The following PAPSS1 variants were observed in gnomAD, a reference collection of about 807,000 sequenced individuals.
The protein encoded by PAPSS1 is bifunctional 3'-phosphoadenosine 5'-phosphosulfate synthase 1.
A neutral mutation model predicts 72.0 loss-of-function variants in PAPSS1; 50 were observed. The ratio of observed to expected loss-of-function variants is 0.69; its 90% CI spans 0.55 to 0.88. PAPSS1 has a LOEUF of 0.88. Ranked by LOEUF, PAPSS1 falls within the 40% of genes least tolerant of loss-of-function variation. The pLI, the probability that PAPSS1 is intolerant of heterozygous loss-of-function variation, is 0.00. For missense variants in PAPSS1, 657 were observed against 782.2 expected (o/e 0.84, Z 1.91); for synonymous variants, 261 against 263.6 (o/e 0.99, Z 0.09).
chr4:107,705,891 C>T (rs1723327620), intron 1 of PAPSS1, among the ~76,000 whole-genome samples: 1 of 152,156 alleles, frequency 6.6e-6, no homozygotes, highest in South Asian at 2.1e-4. Context: ...CTAGGCAAGT[C>T]TGTATGTTTG....
At chr4:107,665,282 C>G (rs1727287011) in intron 5 of PAPSS1, among the ~76,000 whole-genome samples, 1 of 152,162 alleles carries the variant, frequency 6.6e-6, no homozygotes, top group East Asian at 1.9e-4. Context: ...TGACAAATCT[C>G]AGTTTCCAAA....
chr4:107,631,233 G>A (rs1173869647), intron 11 of PAPSS1, among the ~76,000 whole-genome samples: 2 of 152,122 alleles, frequency 1.3e-5, no homozygotes, highest in African/African-American at 4.8e-5. Flanking sequence ...TTTAATACTT[G>A]TAAATAATTA....
chr4:107,623,087 C>T (rs1405476193), intron 11 of PAPSS1, among the ~76,000 whole-genome samples: 1 of 152,192 alleles, frequency 6.6e-6, no homozygotes, highest in Non-Finnish European at 1.5e-5. Context: ...CTGATACATG[C>T]CTACACACTG....
At chr4:107,681,131 A>G (rs3805348) in intron 5 of PAPSS1, among the ~76,000 whole-genome samples, 141,357 of 152,140 alleles carry the variant, frequency 0.93, 65,715 homozygotes, top group South Asian at 0.97. Context: ...AGGTTTATAA[A>G]ATACACTAGA....
chr4:107,683,433 T>C (rs930635263), intron 4 of PAPSS1, among the ~76,000 whole-genome samples: 1 of 152,146 alleles, frequency 6.6e-6, no homozygotes, highest in Non-Finnish European at 1.5e-5. Flanking sequence ...GGTGATATAC[T>C]GGAATCACCA....
chr4:107,704,576 C>A (rs986674573), intron 1 of PAPSS1, among the ~76,000 whole-genome samples: 1 of 152,162 alleles, frequency 6.6e-6, no homozygotes, highest in Non-Finnish European at 1.5e-5. Flanking sequence ...TGAACTCTTT[C>A]AAATAATTTT....
At chr4:107,628,649 G>A (rs939233305) in intron 11 of PAPSS1, among the ~76,000 whole-genome samples, 1 of 152,164 alleles carries the variant, frequency 6.6e-6, no homozygotes, top group Non-Finnish European at 1.5e-5. Context: ...GCTGAATGTG[G>A]ATTGTGATTT....
chr4:107,673,784 G>A (rs1426401260), intron 5 of PAPSS1, among the ~76,000 whole-genome samples: 1 of 152,034 alleles, frequency 6.6e-6, no homozygotes, highest in Non-Finnish European at 1.5e-5. Flanking sequence ...AAAATGTTAA[G>A]GGCAGCCAGA....
chr4:107,617,112 A>G (rs1231600446), intron 11 of PAPSS1, among the ~76,000 whole-genome samples: 1 of 151,748 alleles, frequency 6.6e-6, no homozygotes, highest in Non-Finnish European at 1.5e-5. Flanking sequence ...TTAGTGATCT[A>G]GGTGGTATAT....
intron 1 of PAPSS1, among the ~76,000 whole-genome samples, chr4:107,709,297 A>C (rs943249601): frequency 9.2e-5 from 14 of 152,226 alleles, no homozygotes; most frequent in Non-Finnish European, 1.5e-4. Flanking sequence ...AAAAATTACA[A>C]GTGAGAAAAT....
At chr4:107,649,999 C>T (rs78910547) in intron 9 of PAPSS1, among the ~76,000 whole-genome samples, 198 of 152,318 alleles carry the variant, frequency 1.3e-3, no homozygotes, top group African/African-American at 4.5e-3. Context: ...ATTTCTCAAT[C>T]CTTCCCAGCT....
At chr4:107,697,958 A>G (rs1335459323) in intron 2 of PAPSS1, among the ~76,000 whole-genome samples, 1 of 152,206 alleles carries the variant, frequency 6.6e-6, no homozygotes, top group Admixed American at 6.5e-5. Context: ...GCCAGCCACC[A>G]GCAGAAGCCA....
chr4:107,656,664 T>C (rs972470572), intron 7 of PAPSS1, among the ~76,000 whole-genome samples: 4 of 152,254 alleles, frequency 2.6e-5, no homozygotes, highest in South Asian at 4.1e-4. Flanking sequence ...TCAGCCCTGA[T>C]TCCCAGATTT....
At position 107,646,599 on chromosome 4, in the gene PAPSS1, G is replaced by C. The variant is rs182277812; in HGVS notation, c.1238-1529C>G. Among the ~76,000 whole-genome samples, 44 of 151,508 alleles carry C rather than the reference G, an allele frequency of 2.9e-4. No homozygotes were observed. In the East Asian group the frequency reaches 8.4e-3, roughly 29 times the overall value. On this transcript the variant is annotated intron_variant, in intron 9 of 11. Coordinates refer to ENST00000265174, the MANE Select transcript of PAPSS1 (RefSeq NM_005443.5). ...AAGGGAAGTGCTCAAAGAATAATGG[G>C]GACATCTGATGAAGGCTCATCTGAC...
At chr4:107,643,355 C>A (rs1018639559) in intron 10 of PAPSS1, among the ~76,000 whole-genome samples, 8 of 152,160 alleles carry the variant, frequency 5.3e-5, no homozygotes, top group Non-Finnish European at 1.0e-4. Context: ...GGGCAGCCAA[C>A]CCCTGGAAAC....
chr4:107,696,528 C>T (rs1723067693), intron 2 of PAPSS1, among the ~76,000 whole-genome samples: 1 of 151,962 alleles, frequency 6.6e-6, no homozygotes, highest in African/African-American at 2.4e-5. Flanking sequence ...AACACATGGA[C>T]ATGGAGGGGA....
chr4:107,654,072 C>T (rs1726931475), intron 8 of PAPSS1, among the ~76,000 whole-genome samples: 1 of 152,094 alleles, frequency 6.6e-6, no homozygotes, highest in Non-Finnish European at 1.5e-5. Flanking sequence ...ACTTCCTTTC[C>T]CTGCATCCGA....
At chr4:107,663,849 T>C (rs138199623) in intron 5 of PAPSS1, among the ~76,000 whole-genome samples, 1,588 of 152,280 alleles carry the variant, frequency 0.01, 98 homozygotes, top group Admixed American at 0.095. Context: ...GGTCATATAG[T>C]TGAGAAGTAT....
chr4:107,666,779 G>A (rs1455366901), intron 5 of PAPSS1, among the ~76,000 whole-genome samples: 1 of 152,184 alleles, frequency 6.6e-6, no homozygotes, highest in African/African-American at 2.4e-5. Flanking sequence ...ATTTTTCCAT[G>A]AAGACAGTGC....
Sources: allele counts gnomAD v4.1 joint callset (sites outside exome capture counted in the v4.1 genomes callset), GRCh38; gene constraint gnomAD v4.1.1; transcripts MANE v1.5; gene names NCBI Gene and HGNC (gene_info 2026-07-23, HGNC 2026-07-21).